The following RBPJ variants were observed in gnomAD, a reference collection of about 807,000 sequenced individuals.
RBPJ encodes the protein recombination signal binding protein for immunoglobulin kappa J region.
RBPJ carries 9 observed loss-of-function variants against 67.8 expected under a neutral mutation model. The ratio of observed to expected loss-of-function variants is 0.13; its 90% CI spans 0.08 to 0.23. The LOEUF (loss-of-function observed/expected upper bound fraction) is 0.23. Among genes scored for constraint, RBPJ ranks in the 10% least tolerant of loss-of-function variants. The probability of loss-of-function intolerance (pLI) is 1.00; values close to 1 mark genes in which losing one functional copy is unlikely to be tolerated. For missense variants in RBPJ, 305 were observed against 595.6 expected (o/e 0.51, Z 5.08); for synonymous variants, 198 against 203.3 (o/e 0.97, Z 0.22).
intron 1 of RBPJ, among the ~76,000 whole-genome samples, chr4:26,310,945 C>T (rs951500086): frequency 5.3e-5 from 8 of 152,220 alleles, no homozygotes; most frequent in South Asian, 2.1e-4. Flanking sequence ...GCTGGGATTA[C>T]AGGCATGAGC....
intron 1 of RBPJ, among the ~76,000 whole-genome samples, chr4:26,357,734 A>G (rs934176277): frequency 1.3e-5 from 2 of 151,922 alleles, no homozygotes; most frequent in Admixed American, 6.6e-5. Context: ...ATAACTCCCC[A>G]TTGCCCCCAG....
At position 26,431,239 on chromosome 4, in the gene RBPJ, T is replaced by G; in HGVS notation, c.*232T>G. 1 of 386,902 alleles carries G rather than the reference T, an allele frequency of 2.6e-6. No individual in the cohort carries two copies. 24.0% of individuals were successfully genotyped at this position (386,902 alleles called of 1,614,324 possible). A position where few individuals can be genotyped will look rare whatever the true frequency, so the allele number is the denominator to read the frequency against. ...AAAAAAAATCAAAATGTATAAATAT[T>G]GGAAATCAAGTTTTTCAGCTGTTTT... On this transcript the variant is annotated 3_prime_UTR_variant, in exon 11 of 11. Coordinates refer to ENST00000355476, the MANE Select transcript of RBPJ (RefSeq NM_015874.6).
chr4:26,365,417 G>T (rs904420292), intron 1 of RBPJ, among the ~76,000 whole-genome samples: 2 of 152,116 alleles, frequency 1.3e-5, no homozygotes, highest in African/African-American at 4.8e-5. Context: ...CTAAAGCTGT[G>T]TTTTTCAAAT....
intron 1 of RBPJ, among the ~76,000 whole-genome samples, chr4:26,277,620 A>C (rs1424901685): frequency 6.6e-6 from 1 of 152,234 alleles, no homozygotes; most frequent in African/African-American, 2.4e-5. Context: ...TGGACACACA[A>C]TCTCGAAGGA....
chr4:26,183,229 G>A (rs1717083936), intron 1 of RBPJ, among the ~76,000 whole-genome samples: 1 of 152,196 alleles, frequency 6.6e-6, no homozygotes, highest in Non-Finnish European at 1.5e-5. Context: ...TCATAAACAT[G>A]TGAGTAACAC....
At chr4:26,386,136 C>T (rs558193399) in intron 1 of RBPJ, among the ~76,000 whole-genome samples, 11 of 152,196 alleles carry the variant, frequency 7.2e-5, no homozygotes, top group Middle Eastern at 3.4e-3. Flanking sequence ...GTTCAGAGTG[C>T]ATTTGTAAGG....
intron 1 of RBPJ, among the ~76,000 whole-genome samples, chr4:26,342,283 A>G (rs552888460): frequency 2.0e-5 from 3 of 149,890 alleles, no homozygotes; most frequent in South Asian, 4.2e-4. Flanking sequence ...AAAAAAAAAA[A>G]GGGAATGTGG....
chr4:26,317,001 A>G (rs1273871973), upstream of RBPJ, among the ~76,000 whole-genome samples: 12 of 151,372 alleles, frequency 7.9e-5, no homozygotes, highest in Admixed American at 7.9e-4. Flanking sequence ...CTAAAGTGGA[A>G]GACACCCCAT....
chr4:26,247,567 C>A (rs923686890), intron 1 of RBPJ, among the ~76,000 whole-genome samples: 3 of 151,984 alleles, frequency 2.0e-5, no homozygotes, highest in Admixed American at 6.6e-5. Flanking sequence ...TGCGCCACCG[C>A]GTCCGGCTAA....
At chr4:26,223,255 T>C (rs181278790) in intron 1 of RBPJ, among the ~76,000 whole-genome samples, 7 of 152,174 alleles carry the variant, frequency 4.6e-5, no homozygotes, top group Non-Finnish European at 8.8e-5. Context: ...TCACTGGCTT[T>C]ATGTGGGTTG....
intron 2 of RBPJ, among the ~76,000 whole-genome samples, chr4:26,389,427 C>G (rs1731265951): frequency 6.6e-6 from 1 of 150,716 alleles, no homozygotes; most frequent in African/African-American, 2.4e-5. Context: ...TTGAAGTGCT[C>G]AAGGGGGACC....
At chr4:26,278,080 C>T (rs879403815) in intron 1 of RBPJ, among the ~76,000 whole-genome samples, 1 of 152,104 alleles carries the variant, frequency 6.6e-6, no homozygotes, top group Non-Finnish European at 1.5e-5. Context: ...ACGCAAATGC[C>T]GTGGCATTGA....
chr4:26,173,681 G>A (rs574465103), intron 1 of RBPJ, among the ~76,000 whole-genome samples: 5 of 152,254 alleles, frequency 3.3e-5, no homozygotes, highest in Non-Finnish European at 5.9e-5. Context: ...GAAACATAAC[G>A]CTTCCACTCC....
chr4:26,416,426 C>T (rs1478349661), intron 4 of RBPJ, among the ~76,000 whole-genome samples: 6 of 152,050 alleles, frequency 3.9e-5, no homozygotes, highest in South Asian at 2.1e-4. Flanking sequence ...GATGGGGTTT[C>T]GCCATGTTAC....
At position 26,428,642 on chromosome 4, in the gene RBPJ, A is replaced by T. The variant is rs542384007; in HGVS notation, c.748-78A>T. On this transcript the variant is annotated intron_variant, in intron 7 of 10. Transcript: ENST00000355476. ...TATTATTATGCAGTATATAGCTTCTATGTACTTTTGATGTTTTACACAAGG... is the reference window on the plus strand; with the variant it reads ...TATTATTATGCAGTATATAGCTTCTTTGTACTTTTGATGTTTTACACAAGG... 19 of 1,062,528 alleles carry T rather than the reference A, an allele frequency of 1.8e-5. No individual in the cohort carries two copies. The African/African-American group carries it at 3.0e-4, about 17-fold the overall frequency. 65.8% of individuals were successfully genotyped at this position (1,062,528 alleles called of 1,614,324 possible).
chr4:26,129,793 G>C, the RBPJ span, among the ~76,000 whole-genome samples: 1 of 152,232 alleles, frequency 6.6e-6, no homozygotes, highest in South Asian at 2.1e-4. Flanking sequence ...GTCTATCTAG[G>C]ATGGAGGTGG....
chr4:26,224,655 GCC>G (rs1172567489), intron 1 of RBPJ, among the ~76,000 whole-genome samples: 5 of 151,458 alleles, frequency 3.3e-5, no homozygotes, highest in Non-Finnish European at 5.9e-5. Flanking sequence ...ACCGCACCCT[GCC>G]CAGAACAGAA....
rs1469885081 is a variant in RBPJ at position 26,244,306 on chromosome 4, C to CAT, written c.-167+80695_-167+80696dup. ...GTATATGTATACACATATGTGTACA[C>CAT]ATATGTGTGTATATGTATACACATA... On this transcript the variant is annotated intron_variant, in intron 1 of 4. Coordinates refer to the RBPJ transcript ENST00000512351. Among the ~76,000 whole-genome samples the CAT allele has an allele frequency of 1.4e-3, 188 of 132,678 alleles. 5 individuals are homozygous for CAT. Among genetic ancestry groups the CAT allele is most frequent in the East Asian group, 6.0e-3 (22 of 3,648 alleles). The allele number at this position is 132,678 out of a possible 152,430, so 87.0% of individuals were successfully genotyped here. A position where few individuals can be genotyped will look rare whatever the true frequency, so the allele number is the denominator to read the frequency against.
chr4:26,342,536 C>G (rs929838577), intron 1 of RBPJ, among the ~76,000 whole-genome samples: 6 of 152,170 alleles, frequency 3.9e-5, no homozygotes, highest in African/African-American at 7.2e-5. Flanking sequence ...TCATTCCTTT[C>G]TCCCATGCGT....
Sources: allele counts gnomAD v4.1 joint callset (sites outside exome capture counted in the v4.1 genomes callset), GRCh38; gene constraint gnomAD v4.1.1; transcripts MANE v1.5; gene names NCBI Gene and HGNC (gene_info 2026-07-23, HGNC 2026-07-21).